SIGLEC11: variants seen among roughly 807,000 people sequenced by gnomAD.
SIGLEC11 encodes the protein sialic acid binding Ig like lectin 11.
SIGLEC11 carries 47 observed loss-of-function variants against 61.2 expected under a neutral mutation model. The ratio of observed to expected loss-of-function variants is 0.77; its 90% CI spans 0.61 to 0.98. The LOEUF is 0.98. Ranked by LOEUF, SIGLEC11 falls within the 50% of genes least tolerant of loss-of-function variation. The pLI is 0.00. For synonymous variants in SIGLEC11, 278 were observed against 373.1 expected (o/e 0.75, Z 2.94); for missense variants, 610 against 870.3 (o/e 0.70, Z 3.76).
chr19:49,954,474 A>G (rs1345606513), intron 8 of SIGLEC11, among the ~76,000 whole-genome samples: 1 of 152,162 alleles, frequency 6.6e-6, no homozygotes. Context: ...CGAGCTATGC[A>G]AATGCCTGTC....
In SIGLEC11 at chr19:49,958,707, C is replaced by T. The variant is rs745784422; in HGVS notation, c.1299G>A (p.Glu433=). ...GAGGGTGCTGAGCGTGGCAGGTGAACTCTCCTTCGTGCTCCATTTGAATGG... is the reference window on the plus strand; with the variant it reads ...GAGGGTGCTGAGCGTGGCAGGTGAATTCTCCTTCGTGCTCCATTTGAATGG... ...LPPIQMEHEG[E]FTCHAQHPLG... The change falls in exon 7 of 11, where the codon GAG becomes GAA. Residue 433 remains glutamate, a synonymous_variant. Coordinates refer to ENST00000447370, the MANE Select transcript of SIGLEC11 (RefSeq NM_052884.3). The T allele has an allele frequency of 6.2e-7, 1 of 1,613,012 alleles. No homozygotes were observed. Among genetic ancestry groups the T allele is most frequent in the South Asian group, 1.1e-5 (1 of 90,954 alleles).
rs1231567994 is a variant in SIGLEC11, at chr19:49,955,102, C to T, written c.1652-2708G>A. 1.3e-5 allele frequency among the ~76,000 whole-genome samples: 2 copies of T among 152,000 alleles called. No individual in the cohort carries two copies. Among genetic ancestry groups the T allele is most frequent in the Non-Finnish European group, 2.9e-5 (2 of 67,996 alleles). On this transcript the variant is annotated intron_variant, in intron 8 of 10. Transcript: ENST00000447370. This position sits in a 1 kb window ranked among gnomAD's most constrained non-coding sequence, Gnocchi z 4.5. Reference sequence around the variant, plus strand: ...CATTTGTAGGGCAAGCCCAGGGTGACGTCAAGCGGCAGCTGCAGGCATGAA... The same window carrying T: ...CATTTGTAGGGCAAGCCCAGGGTGATGTCAAGCGGCAGCTGCAGGCATGAA...
chr19:49,958,857 C>A lies in SIGLEC11; in HGVS notation c.1149G>T (p.Glu383Asp), dbSNP rs1320939843. 6.2e-7 allele frequency: 1 copy of A among 1,606,474 alleles called. No homozygotes were observed. The highest frequency in any genetic ancestry group is 1.7e-5 in the Admixed American group (1 of 58,998). The stretch of plus-strand genomic sequence containing the variant: ...CACAGACCAGGCGCAGGCTTTGGCC[C>A]TCCAGGACCGGGAGGGATGTGCCGT... ...LGNGTSLPVL[E>D]GQSLRLVCVT... The change falls in exon 7 of 11, where the codon GAG (glutamate) becomes GAT (aspartate). Residue 383 changes from glutamate to aspartate, a missense_variant. This residue lies in a region of SIGLEC11 where 432 missense variants were observed against 441.5 expected (regional missense o/e 0.98). Transcript: ENST00000447370.
Position 49,960,434 on chromosome 19 carries a change from C to A in SIGLEC11, c.461-13G>T. The A allele has an allele frequency of 2.5e-6, 4 of 1,585,818 alleles. No homozygotes were observed. In the Admixed American group the frequency reaches 6.9e-5, roughly 27 times the overall value. On this transcript the variant is annotated splice_polypyrimidine_tract_variant and intron_variant, in intron 2 of 10. Transcript: ENST00000447370. ...TTCTTAGTCAGGGCTGGGACAGAGA[C>A]CGGGTGGGAGATTCTTGTGCTGCAG...
In SIGLEC11 at chr19:49,950,255, G is replaced by C; in HGVS notation, c.1831-19C>G. 1 of 1,541,898 alleles carries C rather than the reference G, an allele frequency of 6.5e-7. No homozygotes were observed. ...GGTGACCCTGAATGCAGGGGAGAAA[G>C]GGGGTCAAATTAGGGTCATGGGGGC... On this transcript the variant is annotated intron_variant, in intron 10 of 10. Transcript: ENST00000447370.
chr19:49,950,072 G>A lies in SIGLEC11; in HGVS notation c.1995C>T (p.Thr665=), dbSNP rs1425561959. 1 of 1,603,426 alleles carries A rather than the reference G, an allele frequency of 6.2e-7. No homozygotes were observed. Among genetic ancestry groups the A allele is most frequent in the Admixed American group, 1.7e-5 (1 of 59,178 alleles). Residue 665 remains threonine (T), a synonymous_variant, in exon 11 of 11, where the codon ACC becomes ACT. Coordinates refer to ENST00000447370, the MANE Select transcript of SIGLEC11 (RefSeq NM_052884.3). ...GGATCTTGATCTCCGAGTACTCGGT[G>A]GTGCTGGGGGCCTCCTGGTCCGCAG... ...WEPADQEAPS[T]TEYSEIKIHT... is the part of the protein sequence containing the mutation.
At position 49,949,298 on chromosome 19, in the gene SIGLEC11, T is replaced by C. The variant is rs1262363562; in HGVS notation, c.*672A>G. 6.6e-6 allele frequency: 1 copy of C among 151,866 alleles called. No individual in the cohort carries two copies. The highest frequency in any genetic ancestry group is 1.5e-5 in the Non-Finnish European group (1 of 67,994). 9.4% of individuals were successfully genotyped at this position (151,866 alleles called of 1,614,324 possible). ...ACCATGCCCAGCCTTTTTTTTTTTTTTAAATGTTCAAATGGGAACCACTTG... is the reference window on the plus strand; with the variant it reads ...ACCATGCCCAGCCTTTTTTTTTTTTCTAAATGTTCAAATGGGAACCACTTG... On this transcript the variant is annotated 3_prime_UTR_variant, in exon 11 of 11. Transcript: ENST00000447370.
intron 9 of SIGLEC11, 136 bp downstream of exon 9, chr19:49,952,162 C>T (rs1382718683): frequency 6.6e-6 from 7 of 1,068,354 alleles, no homozygotes; most frequent in East Asian, 2.4e-5. Context: ...TGGAGCAGAC[C>T]CCTGCTCTGA....
chr19:49,952,021 G>T, intron 9 of SIGLEC11, 49 bp from the exon 10 acceptor site: 1 of 1,544,968 alleles, frequency 6.5e-7, no homozygotes, highest in Non-Finnish European at 8.7e-7. Flanking sequence ...TCCAGAGCCT[G>T]GGGAAACTGC....
Position 49,951,921 on chromosome 19 carries a change from G to T in SIGLEC11, c.1800C>A (p.Asp600Glu), listed in dbSNP as rs1005454485. The change falls in exon 10 of 11, where the codon GAC becomes GAA. Residue 600 changes from aspartate to glutamate, a missense_variant. Physicochemically the swap from Asp to Glu is conservative, Grantham distance 45 (BLOSUM62 2). Around this residue, in one of 6 missense-constraint regions of SIGLEC11, gnomAD observed 432 missense variants for 441.5 expected, o/e 0.98. Transcript: ENST00000447370. The surrounding 1 kb of genome is among the most constrained non-coding windows in gnomAD (Gnocchi z 4.6). ...EARKRAAAEQ[D>E]VPSTLGPISQ... ...AGATGGGTCCCAGGGTGGAGGGCAC[G>T]TCCTGCTCAGCTGCTGCCCTCTTGC... The T allele has an allele frequency of 1.9e-6, 3 of 1,610,282 alleles. No individual in the cohort carries two copies. In the African/African-American group the frequency reaches 4.0e-5, roughly 21 times the overall value.
At position 49,955,843 on chromosome 19, in the gene SIGLEC11, G is replaced by C. The variant is rs2076191992; in HGVS notation, c.1651+2440C>G. On this transcript the variant is annotated intron_variant, in intron 8 of 10. Coordinates refer to ENST00000447370, the MANE Select transcript of SIGLEC11 (RefSeq NM_052884.3). This position sits in a 1 kb window ranked among gnomAD's most constrained non-coding sequence, Gnocchi z 4.5. ...CCAGCTACTCGGGAGGCTGAGGCAG[G>C]AGAATGGCGTGAACCTGGGAGTTGG... Among the ~76,000 whole-genome samples the C allele has an allele frequency of 6.6e-6, 1 of 151,778 alleles. No individual in the cohort carries two copies. Among genetic ancestry groups the C allele is most frequent in the African/African-American group, 2.4e-5 (1 of 41,278 alleles).
At position 49,955,329 on chromosome 19, in the gene SIGLEC11, AAAG is replaced by A; in HGVS notation, c.1652-2938_1652-2936del. Among the ~76,000 whole-genome samples the A allele has an allele frequency of 6.6e-6, 1 of 152,004 alleles. No homozygotes were observed. Among genetic ancestry groups the A allele is most frequent in the African/African-American group, 2.4e-5 (1 of 41,394 alleles). On this transcript the variant is annotated intron_variant, in intron 8 of 10. Coordinates refer to ENST00000447370, the MANE Select transcript of SIGLEC11 (RefSeq NM_052884.3). The surrounding 1 kb of genome is among the most constrained non-coding windows in gnomAD (Gnocchi z 4.5). ...GAAAAAAAGCCAAAAAAAAAAAAAA[AAAG>A]AAAGGCATAATTCTTACAACTTGCG... is the stretch of plus-strand genomic sequence containing the variant.
In SIGLEC11 at chr19:49,959,485, G is replaced by A. The variant is rs1380449031; in HGVS notation, c.932C>T (p.Pro311Leu). 17 of 1,576,648 alleles carry A rather than the reference G, an allele frequency of 1.1e-5. No individual in the cohort carries two copies. Among genetic ancestry groups the A allele is most frequent in the Admixed American group, 1.7e-5 (1 of 57,226 alleles). Residue 311 changes from proline to leucine, a missense_variant, in exon 5 of 11, where the codon CCC (proline) becomes CTC (leucine). Physicochemically the swap from Pro to Leu is moderately conservative, Grantham distance 98. Around this residue, in one of 6 missense-constraint regions of SIGLEC11, gnomAD observed 28 missense variants for 66.9 expected, o/e 0.42. Coordinates refer to ENST00000447370, the MANE Select transcript of SIGLEC11 (RefSeq NM_052884.3). The stretch of plus-strand genomic sequence containing the variant: ...CAGCCCCAGGGTTCTGGGGCCCCAG[G>A]GGTGGGACGAGGAGAGGACTCTGTC... Reference protein sequence around the residue: ...LQDRVLSSSHPWGPRTLGLEL... With the variant: ...LQDRVLSSSHLWGPRTLGLEL...
At chr19:49,958,173 C>T (rs2122908193) in intron 8 of SIGLEC11, 110 bp downstream of exon 8, 5 of 1,494,388 alleles carry the variant, frequency 3.3e-6, no homozygotes, top group Non-Finnish European at 4.5e-6. Flanking sequence ...GGACTTTGTC[C>T]CCATCCCTTC....
Position 49,951,665 on chromosome 19 carries a change from G to C in SIGLEC11, c.1830+226C>G, listed in dbSNP as rs544030131. 6.6e-6 allele frequency among the ~76,000 whole-genome samples: 1 copy of C among 152,294 alleles called. No homozygotes were observed. Among genetic ancestry groups the C allele is most frequent in the Non-Finnish European group, 1.5e-5 (1 of 68,008 alleles). On this transcript the variant is annotated intron_variant, in intron 10 of 10. Coordinates refer to ENST00000447370, the MANE Select transcript of SIGLEC11 (RefSeq NM_052884.3). The surrounding 1 kb of genome is among the most constrained non-coding windows in gnomAD (Gnocchi z 4.6). ...GAGGGTCCACTGGATCTGAGCACAG[G>C]CAGAGTATGGACAGGCCTGGGGGGC...
In SIGLEC11 at chr19:49,949,855, T is replaced by G; in HGVS notation, c.*115A>C. 8.7e-7 allele frequency: 1 copy of G among 1,144,876 alleles called. No individual in the cohort carries two copies. The highest frequency in any genetic ancestry group is 1.1e-6 in the Non-Finnish European group (1 of 887,170). 70.9% of individuals were successfully genotyped at this position (1,144,876 alleles called of 1,614,324 possible). On this transcript the variant is annotated 3_prime_UTR_variant, in exon 11 of 11. Transcript: ENST00000447370. ...AGACCCTGTCTCAAAAAAAGTATAA[T>G]CTTCAAACTCAAGCTCTTCATTGGG... is the stretch of plus-strand genomic sequence containing the variant.
rs927311385 is a variant in SIGLEC11 at position 49,951,542 on chromosome 19, C to T, written c.1830+349G>A. 6.6e-6 allele frequency among the ~76,000 whole-genome samples: 1 copy of T among 152,062 alleles called. No homozygotes were observed. Among genetic ancestry groups the T allele is most frequent in the African/African-American group, 2.4e-5 (1 of 41,398 alleles). On this transcript the variant is annotated intron_variant, in intron 10 of 10. Transcript: ENST00000447370. The surrounding 1 kb of genome is among the most constrained non-coding windows in gnomAD (Gnocchi z 4.6). The stretch of plus-strand genomic sequence containing the variant: ...TAGCTTTGTAGTAGACAATAGTCAT[C>T]TGAGGAAAGGACTCTCTGGCATCCT...
intron 9 of SIGLEC11, 147 bp downstream of exon 9, chr19:49,952,151 C>T: frequency 9.7e-7 from 1 of 1,025,808 alleles, no homozygotes; most frequent in Admixed American, 2.5e-5. Flanking sequence ...GATCAGGGCT[C>T]TGGAGCAGAC....
chr19:49,957,774 C>T (rs1277674178), intron 8 of SIGLEC11, among the ~76,000 whole-genome samples: 1 of 152,100 alleles, frequency 6.6e-6, no homozygotes, highest in Non-Finnish European at 1.5e-5. Flanking sequence ...GGTCCAGGTG[C>T]GTGAATCACA....
Sources: gnomAD v4.1 joint callset for allele counts (sites outside exome capture counted in the v4.1 genomes callset) on GRCh38, gnomAD v4.1.1 for gene constraint, gnomAD v4.1.1 regional missense constraint, Gnocchi (gnomAD v3.1) non-coding constraint, MANE v1.5 for transcripts, NCBI Gene and HGNC (gene_info 2026-07-23, HGNC 2026-07-21) for gene names.